Variants in ATP11A observed in about 807,000 individuals in gnomAD.
The protein encoded by ATP11A is phospholipid-transporting ATPase IH.
Under a neutral mutation model 154.4 loss-of-function variants are expected in ATP11A, and 81 were observed. That is an observed-to-expected ratio of 0.52 (90% CI 0.44 to 0.63). The LOEUF is 0.63. Ranked by LOEUF, ATP11A falls within the 30% of genes least tolerant of loss-of-function variation. ATP11A has a pLI of 0.00. For missense variants in ATP11A, 1,316 were observed against 1,474.3 expected (o/e 0.89, Z 1.76); for synonymous variants, 623 against 585.9 (o/e 1.06, Z -0.91).
chr13:112,816,337 A>C (rs1594782841), intron 6 of ATP11A, 126 bp downstream of exon 6: 1 of 1,231,800 alleles, frequency 8.1e-7, no homozygotes, highest in Non-Finnish European at 1.1e-6. Context: ...CCAGGGAGTT[A>C]CACCAGCCAT....
At chr13:112,850,366 T>C (rs552703498) in intron 17 of ATP11A, among the ~76,000 whole-genome samples, 2 of 152,230 alleles carry the variant, frequency 1.3e-5, no homozygotes, top group Non-Finnish European at 2.9e-5. Context: ...ACTGATGGAA[T>C]GAAGAGGTTC....
chr13:112,724,692 C>T (rs1025563693), intron 1 of ATP11A, among the ~76,000 whole-genome samples: 2 of 152,046 alleles, frequency 1.3e-5, no homozygotes, highest in Non-Finnish European at 2.9e-5. Flanking sequence ...GAGGCCGGCC[C>T]CCCCCCAGGA....
rs1212708218 is a variant in ATP11A, at chr13:112,847,031, C to G, written c.1810-4006C>G. On this transcript the variant is annotated intron_variant, in intron 17 of 29. Coordinates refer to ENST00000375645, the MANE Select transcript of ATP11A (RefSeq NM_015205.3). ...CCGTCCACAGCCTCTGGCATCCACTCCATCCTAGGAACTCTGGTGCTTGTT... is the reference window on the plus strand; with the variant it reads ...CCGTCCACAGCCTCTGGCATCCACTGCATCCTAGGAACTCTGGTGCTTGTT... Among the ~76,000 whole-genome samples, 4 of 152,198 alleles carry G rather than the reference C, an allele frequency of 2.6e-5. No individual in the cohort carries two copies. In the East Asian group the frequency reaches 7.7e-4, roughly 29 times the overall value.
At chr13:112,849,026 G>T (rs1406225342) in intron 17 of ATP11A, among the ~76,000 whole-genome samples, 1 of 152,158 alleles carries the variant, frequency 6.6e-6, no homozygotes, top group African/African-American at 2.4e-5. Context: ...CGTTGAGGAG[G>T]TTTCTTCTCT....
intron 25 of ATP11A, among the ~76,000 whole-genome samples, chr13:112,863,663 A>G (rs76027280): frequency 0.022 from 1,278 of 57,160 alleles, no homozygotes; most frequent in Middle Eastern, 0.045. Flanking sequence ...TCCCAGCGGG[A>G]TCCATCACCA....
In ATP11A at chr13:112,831,525, T is replaced by C. The variant is rs184186772; in HGVS notation, c.1372T>C (p.Ser458Pro). 1 of 1,614,136 alleles carries C rather than the reference T, an allele frequency of 6.2e-7. No homozygotes were observed. Among genetic ancestry groups the C allele is most frequent in the Admixed American group, 1.7e-5 (1 of 60,014 alleles). The change falls in exon 13 of 30, where the codon TCG (serine) becomes CCG (proline). Residue 458 changes from serine (S) to proline (P), a missense_variant. Around this residue, in one of 5 missense-constraint regions of ATP11A, gnomAD observed 876 missense variants for 1,006.8 expected, o/e 0.87. Transcript: ENST00000375645. ...GTCGTCAGGAATCGACATGATTGAC[T>C]CGTCCCCCAGCGTCAACGGGAGGGT... ...PESSGIDMID[S>P]SPSVNGRERE...
Position 112,819,390 on chromosome 13 carries a change from C to T in ATP11A, c.657C>T (p.Pro219=). 6.2e-7 allele frequency: 1 copy of T among 1,614,180 alleles called. No homozygotes were observed. Among genetic ancestry groups the T allele is most frequent in the Non-Finnish European group, 8.5e-7 (1 of 1,180,034 alleles). ...GLHATIECEQ[P]QPDLYKFVGR... The stretch of plus-strand genomic sequence containing the variant: ...ACGCCACCATCGAGTGTGAGCAGCC[C>T]CAGCCCGACCTCTACAAGTAAGCGG... The change falls in exon 7 of 30, where the codon CCC becomes CCT. Residue 219 remains proline, a synonymous_variant. Transcript: ENST00000375645.
At chr13:112,755,687 T>G (rs2076806555) in intron 1 of ATP11A, among the ~76,000 whole-genome samples, 1 of 149,998 alleles carries the variant, frequency 6.7e-6, no homozygotes, top group Non-Finnish European at 1.5e-5. Context: ...CCCAGAACCA[T>G]TTCCGGTCAC....
intron 2 of ATP11A, among the ~76,000 whole-genome samples, chr13:112,787,713 A>G (rs1240107783): frequency 6.7e-6 from 1 of 149,800 alleles, no homozygotes; most frequent in Non-Finnish European, 1.5e-5. Flanking sequence ...TCCTGTGGAG[A>G]CCTACTTAAT....
intron 3 of ATP11A, 136 bp downstream of exon 3, chr13:112,805,182 T>C: frequency 1.6e-6 from 1 of 620,490 alleles, no homozygotes. Flanking sequence ...TTATTTATTT[T>C]CTTAAGGAAG....
intron 17 of ATP11A, among the ~76,000 whole-genome samples, chr13:112,843,616 C>T (rs2079490903): frequency 6.6e-6 from 1 of 152,194 alleles, no homozygotes; most frequent in African/African-American, 2.4e-5. Context: ...GAACCTTGGA[C>T]TAGAGGTCGT....
At chr13:112,784,815 G>T (rs145377528) in intron 1 of ATP11A, among the ~76,000 whole-genome samples, 144 of 152,320 alleles carry the variant, frequency 9.5e-4, no homozygotes, top group African/African-American at 3.3e-3. Flanking sequence ...GAGCCGCCGC[G>T]CCCGGCCGCG....
chr13:112,769,541 C>T (rs1163613608), intron 1 of ATP11A, among the ~76,000 whole-genome samples: 1 of 152,202 alleles, frequency 6.6e-6, no homozygotes, highest in East Asian at 1.9e-4. Context: ...ATTCTAATGC[C>T]TGAGTTTATA....
intron 1 of ATP11A, among the ~76,000 whole-genome samples, chr13:112,718,593 C>T (rs1384493150): frequency 6.6e-6 from 1 of 152,170 alleles, no homozygotes; most frequent in Non-Finnish European, 1.5e-5. Context: ...CTTCTAACTG[C>T]CCTCGAGAGA....
At chr13:112,821,843 A>C (rs2078804566) in intron 8 of ATP11A, among the ~76,000 whole-genome samples, 1 of 152,194 alleles carries the variant, frequency 6.6e-6, no homozygotes, top group Non-Finnish European at 1.5e-5. Context: ...TGTTTTCGTA[A>C]ACACATGGCA....
At chr13:112,771,018 A>G (rs1372036997) in intron 1 of ATP11A, among the ~76,000 whole-genome samples, 1 of 152,176 alleles carries the variant, frequency 6.6e-6, no homozygotes, top group African/African-American at 2.4e-5. Context: ...CCGCGGTGTA[A>G]TTCAGCTAAT....
At chr13:112,790,940 G>A (rs1401199809) in intron 2 of ATP11A, among the ~76,000 whole-genome samples, 1 of 152,196 alleles carries the variant, frequency 6.6e-6, no homozygotes, top group Non-Finnish European at 1.5e-5. Flanking sequence ...GAAAAACAAA[G>A]TCCCAACCAG....
intron 1 of ATP11A, among the ~76,000 whole-genome samples, chr13:112,743,573 G>A (rs925615683): frequency 1.3e-5 from 2 of 152,002 alleles, no homozygotes; most frequent in African/African-American, 4.8e-5. Context: ...GTAGGTTCCT[G>A]CTAGCACTGA....
rs766879340 is a variant in ATP11A at position 112,851,139 on chromosome 13, C to A, written c.1912C>A (p.Arg638=). The change falls in exon 18 of 30, where the codon CGA becomes AGA. Residue 638 remains arginine, a synonymous_variant. Transcript: ENST00000375645. ...GGCTGCCAAAGTGGCCCTTCAAGAT[C>A]GAGAGAAAAAGTTAGCAGAAGCCTA... ...LQAAKVALQD[R]EKKLAEAYEQ... 2.5e-6 allele frequency: 4 copies of A among 1,614,124 alleles called. No homozygotes were observed. Among genetic ancestry groups the A allele is most frequent in the Non-Finnish European group, 3.4e-6 (4 of 1,180,008 alleles).
Sources: allele counts gnomAD v4.1 joint callset (sites outside exome capture counted in the v4.1 genomes callset), GRCh38; gene constraint gnomAD v4.1.1; regional missense constraint gnomAD v4.1.1; transcripts MANE v1.5; gene names NCBI Gene and HGNC (gene_info 2026-07-23, HGNC 2026-07-21).